Variants in ZNF488 observed in about 807,000 individuals in gnomAD.
ZNF488 encodes the protein zinc finger protein 488.
Under a neutral mutation model 1.2 loss-of-function variants are expected in ZNF488, and 1 was observed. The ratio of observed to expected loss-of-function variants is 0.86; its 90% CI spans 0.30 to 4.07. The LOEUF (loss-of-function observed/expected upper bound fraction) is 4.07. Ranked by LOEUF, ZNF488 falls within the 30% of genes most tolerant of loss-of-function variation. The pLI, the probability that ZNF488 is intolerant of heterozygous loss-of-function variation, is 0.18. For missense variants in ZNF488, 450 were observed against 437.9 expected (o/e 1.03, Z -0.25); for synonymous variants, 185 against 190.1 (o/e 0.97, Z 0.22).
intron 1 of ZNF488, among the ~76,000 whole-genome samples, chr10:47,382,059 C>T (rs1837984746): frequency 6.6e-6 from 1 of 152,276 alleles, no homozygotes. Flanking sequence ...CAAATCAACC[C>T]TGCCACTACC....
chr10:47,376,813 A>C (rs1196378226), intron 1 of ZNF488, among the ~76,000 whole-genome samples: 1 of 152,166 alleles, frequency 6.6e-6, no homozygotes, highest in Non-Finnish European at 1.5e-5. Flanking sequence ...GAAATTATAG[A>C]TGTCCTCCAG....
At position 47,368,768 on chromosome 10, in the gene ZNF488, C is replaced by G. The variant is rs782582626; in HGVS notation, c.62G>C (p.Gly21Ala). 48 of 1,612,160 alleles carry G rather than the reference C, an allele frequency of 3.0e-5. No homozygotes were observed. Among genetic ancestry groups the G allele is most frequent in the Non-Finnish European group, 3.8e-5 (45 of 1,179,480 alleles). The change falls in exon 2 of 2, where the codon GGG (glycine) becomes GCG (alanine). Residue 21 changes from glycine to alanine, a missense_variant. By Grantham distance (60) the Gly-to-Ala change is moderately conservative. Coordinates refer to ENST00000585316, the MANE Select transcript of ZNF488 (RefSeq NM_153034.4). ...CGATGGGCTCAACGGGGCTCCCTTC[C>G]CAGCTGCCATGGTGATCACCAGGGC... Reference protein sequence around the residue: ...APALVITMAAGKGAPLSPSAE... With the variant: ...APALVITMAAAKGAPLSPSAE...
intron 1 of ZNF488, among the ~76,000 whole-genome samples, chr10:47,372,094 C>T (rs1837492326): frequency 6.6e-6 from 1 of 152,198 alleles, no homozygotes; most frequent in African/African-American, 2.4e-5. Flanking sequence ...ACTCAGTAAA[C>T]ATGCAAAAAG....
intron 1 of ZNF488, among the ~76,000 whole-genome samples, chr10:47,381,759 C>T (rs1317035259): frequency 2.6e-5 from 4 of 152,280 alleles, no homozygotes; most frequent in Non-Finnish European, 1.5e-5. Context: ...ATCATCCACT[C>T]AGATGTCTGA....
At chr10:47,383,978 CAAT>C (rs1555215853) in intron 1 of ZNF488, among the ~76,000 whole-genome samples, 1 of 151,492 alleles carries the variant, frequency 6.6e-6, no homozygotes, top group Non-Finnish European at 1.5e-5. Flanking sequence ...AACAGGAAGA[CAAT>C]AAAGAAGAGA....
Position 47,367,988 on chromosome 10 carries a change from T to C in ZNF488, c.842A>G (p.Asn281Ser), listed in dbSNP as rs782079863. Residue 281 changes from asparagine to serine, a missense_variant, in exon 2 of 2, where the codon AAC becomes AGC. By Grantham distance (46) the Asn-to-Ser change is conservative. Transcript: ENST00000585316. ...LSTQNWCAKCNLSFRLTSDLV... is the reference protein window; with the variant it reads ...LSTQNWCAKCSLSFRLTSDLV... Reference sequence around the variant, plus strand: ...GTCGGACGTTAGGCGAAAGGACAGGTTGCACTTTGCACACCAGTTCTGGGT... The same window carrying C: ...GTCGGACGTTAGGCGAAAGGACAGGCTGCACTTTGCACACCAGTTCTGGGT... 6.2e-7 allele frequency: 1 copy of C among 1,614,100 alleles called. No individual in the cohort carries two copies. Among genetic ancestry groups the C allele is most frequent in the Non-Finnish European group, 8.5e-7 (1 of 1,180,024 alleles).
rs201033121 is a variant in ZNF488, at chr10:47,367,830, G to T, written c.1000C>A (p.Arg334=). 6.2e-7 allele frequency: 1 copy of T among 1,612,416 alleles called. No homozygotes were observed. Among genetic ancestry groups the T allele is most frequent in the Non-Finnish European group, 8.5e-7 (1 of 1,179,434 alleles). The stretch of plus-strand genomic sequence containing the variant: ...TGCTAGCTGTGAGAAGTCATGTGCC[G>T]GGAGAGGTGGTGGCGCTCCCGGAAG... ...EHFRERHHLS[R]HMTSHS is the part of the protein sequence containing the mutation. Residue 334 remains arginine, a synonymous_variant, in exon 2 of 2, where the codon CGG becomes AGG. Coordinates refer to ENST00000585316, the MANE Select transcript of ZNF488 (RefSeq NM_153034.4).
intron 1 of ZNF488, among the ~76,000 whole-genome samples, chr10:47,374,253 G>T (rs1837591083): frequency 6.6e-6 from 1 of 152,146 alleles, no homozygotes; most frequent in South Asian, 2.1e-4. Flanking sequence ...GATCAATCTG[G>T]TTTTTTAGAC....
At chr10:47,377,783 C>T (rs1429567567) in intron 1 of ZNF488, among the ~76,000 whole-genome samples, 1 of 151,944 alleles carries the variant, frequency 6.6e-6, no homozygotes, top group East Asian at 1.9e-4. Flanking sequence ...GCAGCAGCTG[C>T]CACATTCACA....
chr10:47,373,289 T>G (rs542838717), intron 1 of ZNF488, among the ~76,000 whole-genome samples: 1 of 152,190 alleles, frequency 6.6e-6, no homozygotes, highest in East Asian at 1.9e-4. Context: ...AATGTCCTTG[T>G]TATCCTTCAG....
In ZNF488 at chr10:47,381,794, A is replaced by G. The variant is rs543056863; in HGVS notation, c.-109+2426T>C. Among the ~76,000 whole-genome samples the G allele has an allele frequency of 3.3e-5, 5 of 152,410 alleles. No individual in the cohort carries two copies. In the South Asian group the frequency reaches 1.0e-3, roughly 32 times the overall value. On this transcript the variant is annotated intron_variant, in intron 1 of 1. Transcript: ENST00000585316. ...AGACTGTGCAGAAGCAGGGCCAGTG[A>G]AAGCAGAGGGCAGATCCAATGCTTC...
intron 1 of ZNF488, among the ~76,000 whole-genome samples, chr10:47,373,424 G>A (rs2132289933): frequency 6.6e-6 from 1 of 152,264 alleles, no homozygotes; most frequent in Admixed American, 6.5e-5. Flanking sequence ...AAAGTAGAAT[G>A]GGAAAGACGT....
At chr10:47,373,276 A>C (rs553938413) in intron 1 of ZNF488, among the ~76,000 whole-genome samples, 23 of 152,338 alleles carry the variant, frequency 1.5e-4, no homozygotes, top group Admixed American at 1.1e-3. Flanking sequence ...TAATTACAAC[A>C]AAAATGTCCT....
chr10:47,371,478 A>T (rs1422605535), intron 1 of ZNF488, among the ~76,000 whole-genome samples: 2 of 152,202 alleles, frequency 1.3e-5, no homozygotes, highest in Non-Finnish European at 2.9e-5. Flanking sequence ...TATACATAGT[A>T]TGTATACATA....
intron 1 of ZNF488, among the ~76,000 whole-genome samples, chr10:47,369,588 C>T (rs1307676039): frequency 1.3e-5 from 2 of 152,226 alleles, no homozygotes; most frequent in African/African-American, 4.8e-5. Context: ...CCTTTGTCCA[C>T]ATCACATGCC....
At position 47,367,382 on chromosome 10, in the gene ZNF488, AC is replaced by A. The variant is rs370626044; in HGVS notation, c.*424del. On this transcript the variant is annotated 3_prime_UTR_variant, in exon 2 of 2. Coordinates refer to ENST00000585316, the MANE Select transcript of ZNF488 (RefSeq NM_153034.4). ...CCACTTTCCACACACCTTTCATGTGACCTGAATGCCAACCTAAGACACAGTG... is the reference window on the plus strand; with the variant it reads ...CCACTTTCCACACACCTTTCATGTGACTGAATGCCAACCTAAGACACAGTG... The A allele has an allele frequency of 2.6e-3, 502 of 195,620 alleles. 3 individuals carry two copies. The highest frequency in any genetic ancestry group is 0.011 in the African/African-American group (483 of 42,224). 12.1% of individuals were successfully genotyped at this position (195,620 alleles called of 1,614,324 possible). A position where few individuals can be genotyped will look rare whatever the true frequency, so the allele number is the denominator to read the frequency against.
At position 47,367,440 on chromosome 10, in the gene ZNF488, G is replaced by T. The variant is rs1837257830; in HGVS notation, c.*367C>A. 1 of 254,288 alleles carries T rather than the reference G, an allele frequency of 3.9e-6. No individual in the cohort carries two copies. The highest frequency in any genetic ancestry group is 5.0e-5 in the Admixed American group (1 of 19,880). 15.8% of individuals were successfully genotyped at this position (254,288 alleles called of 1,614,324 possible). ...TCTCCATTTCACAGATGAGAAAATG[G>T]GGACTCAGCAGGTTAAAGCTCTTTG... On this transcript the variant is annotated 3_prime_UTR_variant, in exon 2 of 2. Coordinates refer to ENST00000585316, the MANE Select transcript of ZNF488 (RefSeq NM_153034.4).
intron 1 of ZNF488, among the ~76,000 whole-genome samples, chr10:47,374,155 A>G (rs1555214150): frequency 6.6e-6 from 1 of 152,214 alleles, no homozygotes; most frequent in Non-Finnish European, 1.5e-5. Flanking sequence ...CTGCAAAATG[A>G]GGAGGCTGCA....
At position 47,368,539 on chromosome 10, in the gene ZNF488, C is replaced by T. The variant is rs1837326518; in HGVS notation, c.291G>A (p.Gln97=). 1 of 1,613,466 alleles carries T rather than the reference C, an allele frequency of 6.2e-7. No homozygotes were observed. The highest frequency in any genetic ancestry group is 1.7e-5 in the Admixed American group (1 of 60,002). The change falls in exon 2 of 2, where the codon CAG becomes CAA. Residue 97 remains glutamine (Q), a synonymous_variant. Coordinates refer to ENST00000585316, the MANE Select transcript of ZNF488 (RefSeq NM_153034.4). ...GCAGCTCCGTGAAGGCGCTCTGCCT[C>T]TGCTCTCCACGTGTCTTCGGGGGCA... ...KPLPPKTRGE[Q]RQSAFTELPR...
Sources: allele counts gnomAD v4.1 joint callset (sites outside exome capture counted in the v4.1 genomes callset), GRCh38; gene constraint gnomAD v4.1.1; transcripts MANE v1.5; gene names NCBI Gene and HGNC (gene_info 2026-07-23, HGNC 2026-07-21).